ARNT: variants seen among roughly 807,000 people sequenced by gnomAD.
ARNT encodes the protein aryl hydrocarbon receptor nuclear translocator.
In ARNT, 30 loss-of-function variants were observed where a neutral mutation model predicts 105.0. The ratio of observed to expected loss-of-function variants is 0.29; its 90% CI spans 0.21 to 0.39. The LOEUF is 0.39. ARNT is among the 10% of genes least tolerant of loss of function. The pLI is 1.00. For synonymous variants in ARNT, 304 were observed against 344.0 expected (o/e 0.88, Z 1.29); for missense variants, 748 against 978.7 (o/e 0.76, Z 3.15).
chr1:150,827,117 T>C (rs1368000855), intron 12 of ARNT, among the ~76,000 whole-genome samples: 2 of 152,210 alleles, frequency 1.3e-5, no homozygotes, highest in Non-Finnish European at 2.9e-5. Flanking sequence ...GTTAAGGAGC[T>C]GGCTTCTAAA....
chr1:150,824,595 G>A (rs1456158184), intron 13 of ARNT, among the ~76,000 whole-genome samples: 3 of 150,400 alleles, frequency 2.0e-5, no homozygotes, highest in Non-Finnish European at 4.4e-5. Flanking sequence ...CTGGGGACTA[G>A]AGGCGTGCAC....
At chr1:150,819,846 G>A (rs1226349539) in intron 14 of ARNT, among the ~76,000 whole-genome samples, 1 of 152,134 alleles carries the variant, frequency 6.6e-6, no homozygotes, top group Admixed American at 6.6e-5. Context: ...AAATTAGACT[G>A]CAGTAAGAGT....
intron 1 of ARNT, among the ~76,000 whole-genome samples, chr1:150,861,707 A>G (rs1325736697): frequency 1.3e-5 from 2 of 152,154 alleles, no homozygotes; most frequent in African/African-American, 4.8e-5. Context: ...ATGAGTCACC[A>G]CGCCCAGCCA....
At chr1:150,844,334 C>T (rs1661785654) in intron 4 of ARNT, among the ~76,000 whole-genome samples, 1 of 152,176 alleles carries the variant, frequency 6.6e-6, no homozygotes, top group Admixed American at 6.5e-5. Flanking sequence ...TATCTACCTC[C>T]CTACAGTCTA....
chr1:150,831,979 A>G lies in ARNT; in HGVS notation c.870-76T>C, dbSNP rs1454576681. 3.1e-6 allele frequency: 3 copies of G among 969,752 alleles called. No homozygotes were observed. The African/African-American group carries it at 5.0e-5, about 16-fold the overall frequency. 60.1% of individuals were successfully genotyped at this position (969,752 alleles called of 1,614,324 possible). On this transcript the variant is annotated intron_variant, in intron 9 of 21. Coordinates refer to ENST00000358595, the MANE Select transcript of ARNT (RefSeq NM_001668.4). ...ACTCAAAGGGCAATGCTGCCTTAGTACTTTTAAGTTTATGCTCTTAGGAGT... is the reference window on the plus strand; with the variant it reads ...ACTCAAAGGGCAATGCTGCCTTAGTGCTTTTAAGTTTATGCTCTTAGGAGT...
At chr1:150,836,684 T>C (rs931997115) in intron 6 of ARNT, among the ~76,000 whole-genome samples, 191 bp from the exon 7 acceptor site, 1 of 152,194 alleles carries the variant, frequency 6.6e-6, no homozygotes, top group Admixed American at 6.5e-5. Flanking sequence ...TTCTAATACA[T>C]GTTTCCTCAC....
chr1:150,835,904 T>C (rs1424341388), intron 7 of ARNT, among the ~76,000 whole-genome samples: 4 of 152,112 alleles, frequency 2.6e-5, no homozygotes, highest in Non-Finnish European at 4.4e-5. Flanking sequence ...GCTGTTATCA[T>C]TGAACCTAGC....
chr1:150,837,850 T>C (rs925609890), intron 6 of ARNT, among the ~76,000 whole-genome samples: 1 of 152,100 alleles, frequency 6.6e-6, no homozygotes, highest in African/African-American at 2.4e-5. Context: ...TGAATCATTA[T>C]TTCCCTCTTA....
Position 150,829,171 on chromosome 1 carries a change from G to A in ARNT, c.1089C>T (p.Phe363=), listed in dbSNP as rs17855056. The A allele has an allele frequency of 6.2e-7, 1 of 1,614,154 alleles. No individual in the cohort carries two copies. Among genetic ancestry groups the A allele is most frequent in the Non-Finnish European group, 8.5e-7 (1 of 1,180,008 alleles). ...DMSNVCQPTE[F]ISRHNIEGIF... is the part of the protein sequence containing the mutation. ...TACCCTCAATGTTGTGTCGGGAGAT[G>A]AACTCTGTTGGTTGACAAACATTAC... Residue 363 remains phenylalanine (F), a synonymous_variant, in exon 12 of 22, where the codon TTC becomes TTT. Transcript: ENST00000358595.
intron 6 of ARNT, among the ~76,000 whole-genome samples, chr1:150,837,642 T>G (rs1465572447): frequency 6.6e-6 from 1 of 152,192 alleles, no homozygotes; most frequent in Non-Finnish European, 1.5e-5. Flanking sequence ...AAAGTTCATC[T>G]TAAGCCCTCT....
chr1:150,819,215 G>C (rs587596110), intron 14 of ARNT, among the ~76,000 whole-genome samples: 2 of 134,602 alleles, frequency 1.5e-5, no homozygotes, highest in Non-Finnish European at 3.1e-5. Context: ...ATACCTACTA[G>C]ATGGCTACAA....
chr1:150,842,512 AGAAG>A (rs1184846543), intron 4 of ARNT, 44 bp from the exon 5 acceptor site: 6 of 1,557,088 alleles, frequency 3.9e-6, no homozygotes, highest in Non-Finnish European at 5.3e-6. Context: ...AAAATAAAAA[AGAAG>A]GAAGGAAGGG....
chr1:150,832,522 T>C, intron 8 of ARNT, 123 bp from the exon 9 acceptor site: 1 of 874,306 alleles, frequency 1.1e-6, no homozygotes, highest in South Asian at 1.5e-5. Flanking sequence ...ATGCTACTAA[T>C]AATGAAGGAT....
chr1:150,847,698 G>GT (rs1321415684), intron 3 of ARNT, among the ~76,000 whole-genome samples: 1 of 152,166 alleles, frequency 6.6e-6, no homozygotes, highest in Non-Finnish European at 1.5e-5. Context: ...CTAATAGCAT[G>GT]TATCATTATA....
chr1:150,859,454 C>G (rs975741538), intron 1 of ARNT, among the ~76,000 whole-genome samples: 4 of 151,814 alleles, frequency 2.6e-5, no homozygotes, highest in African/African-American at 9.7e-5. Flanking sequence ...TCCAGTGATC[C>G]TCCTGTCTCA....
chr1:150,858,996 A>C (rs1196853799), intron 1 of ARNT, among the ~76,000 whole-genome samples: 1 of 152,000 alleles, frequency 6.6e-6, no homozygotes, highest in African/African-American at 2.4e-5. Context: ...GTTTGGAAGA[A>C]GTACTATATT....
chr1:150,829,397 G>A (rs1275528420), intron 11 of ARNT, 170 bp from the exon 12 acceptor site: 5 of 656,706 alleles, frequency 7.6e-6, no homozygotes, highest in Non-Finnish European at 1.3e-5. Flanking sequence ...ATCAGACAAG[G>A]CATAAGGTCT....
rs748012368 is a variant in ARNT at position 150,852,414 on chromosome 1, G to A, written c.182+348C>T. The stretch of plus-strand genomic sequence containing the variant: ...TCCCAGCTGAGTCCAGTTCTCAGCT[G>A]ACCAGCTGAGAATGCAGTCTTATGA... On this transcript the variant is annotated intron_variant, in intron 3 of 21. Coordinates refer to ENST00000358595, the MANE Select transcript of ARNT (RefSeq NM_001668.4). Among the ~76,000 whole-genome samples, 40 of 152,202 alleles carry A rather than the reference G, an allele frequency of 2.6e-4. No homozygotes were observed. In the Middle Eastern group the frequency reaches 0.017, roughly 65 times the overall value.
At position 150,816,246 on chromosome 1, in the gene ARNT, T is replaced by C. The variant is rs758956128; in HGVS notation, c.1950+13A>G. 6.3e-7 allele frequency: 1 copy of C among 1,593,624 alleles called. No individual in the cohort carries two copies. Among genetic ancestry groups the C allele is most frequent in the East Asian group, 2.3e-5 (1 of 43,650 alleles). ...AAATAATACACAGGGAACACACAGA[T>C]GATAAGTTTTACCTGGGCAGAAAAG... On this transcript the variant is annotated intron_variant, in intron 19 of 21. Transcript: ENST00000358595.
Sources: allele counts gnomAD v4.1 joint callset (sites outside exome capture counted in the v4.1 genomes callset), GRCh38; gene constraint gnomAD v4.1.1; transcripts MANE v1.5; gene names NCBI Gene and HGNC (gene_info 2026-07-23, HGNC 2026-07-21).